NCKAP5: variants seen among roughly 807,000 people sequenced by gnomAD.
NCKAP5 encodes nck-associated protein 5.
NCKAP5 carries 92 observed loss-of-function variants against 167.0 expected under a neutral mutation model. The ratio of observed to expected loss-of-function variants is 0.55; its 90% confidence interval spans 0.47 to 0.66. The LOEUF (loss-of-function observed/expected upper bound fraction) is 0.66. NCKAP5 is among the 30% of genes least tolerant of loss of function. The pLI, the probability that NCKAP5 is intolerant of heterozygous loss-of-function variation, is 0.00. For synonymous variants in NCKAP5, 891 were observed against 877.4 expected, an observed-to-expected ratio of 1.02 and a Z score of -0.27; for missense variants, 2,378 against 2,315.0, an observed-to-expected ratio of 1.03 and a Z score of -0.56.
the NCKAP5 span, among the ~76,000 whole-genome samples, chr2:133,650,345 A>G: frequency 6.6e-6 from 1 of 152,256 alleles, no homozygotes; most frequent in Admixed American, 6.5e-5. Context: ...GGTACTTTTT[A>G]CAAAAATAGA....
chr2:133,552,711 A>G (rs1343979162), intron 2 of NCKAP5, among the ~76,000 whole-genome samples: 4 of 148,374 alleles, frequency 2.7e-5, no homozygotes, highest in East Asian at 4.1e-4. Flanking sequence ...TAACCTGCAC[A>G]ATGTGCACAT....
intron 3 of NCKAP5, among the ~76,000 whole-genome samples, chr2:133,327,979 T>A (rs1389515624): frequency 6.6e-6 from 1 of 152,096 alleles, no homozygotes; most frequent in South Asian, 2.1e-4. Flanking sequence ...ACCGCAGAGA[T>A]TATTGAGCCC....
chr2:133,069,282 CTGT>C (rs1179474130), intron 6 of NCKAP5, among the ~76,000 whole-genome samples: 3 of 152,132 alleles, frequency 2.0e-5, no homozygotes, highest in Non-Finnish European at 2.9e-5. Flanking sequence ...TAAAAATTTT[CTGT>C]TGTTGTTATT....
intron 4 of NCKAP5, 73 bp downstream of exon 4, chr2:133,302,964 G>T: frequency 9.6e-7 from 1 of 1,046,674 alleles, no homozygotes; most frequent in South Asian, 1.4e-5. Context: ...TAGTCTAACT[G>T]AAATATTTTA....
intron 19 of NCKAP5, among the ~76,000 whole-genome samples, chr2:132,716,523 T>G (rs1202214693): frequency 2.0e-5 from 3 of 152,126 alleles, no homozygotes; most frequent in African/African-American, 7.2e-5. Flanking sequence ...GCTTTGAAAT[T>G]CCACTGTGCA....
intron 7 of NCKAP5, among the ~76,000 whole-genome samples, chr2:132,972,504 T>C (rs962165780): frequency 1.3e-4 from 20 of 152,004 alleles, no homozygotes; most frequent in African/African-American, 3.9e-4. Context: ...GGCAGGTGGA[T>C]CATGAGGTTA....
chr2:132,980,837 T>G (rs551776803), intron 7 of NCKAP5, among the ~76,000 whole-genome samples: 26 of 152,286 alleles, frequency 1.7e-4, no homozygotes, highest in Non-Finnish European at 3.1e-4. Flanking sequence ...GTTAGAATAA[T>G]TAAATACAGT....
Position 132,712,390 on chromosome 2 carries a change from T to G in NCKAP5, c.5713+13237A>C, listed in dbSNP as rs552384873. On this transcript the variant is annotated intron_variant, in intron 19 of 19. Coordinates refer to ENST00000409261, the MANE Select transcript of NCKAP5 (RefSeq NM_207363.3). Reference sequence around the variant, plus strand: ...ATTCAGGCCTGGCGGGGTGGCTCACTCCTGTAATCCCAGCACTTTGGGAGG... The same window carrying G: ...ATTCAGGCCTGGCGGGGTGGCTCACGCCTGTAATCCCAGCACTTTGGGAGG... Among the ~76,000 whole-genome samples, 60 of 152,244 alleles carry G rather than the reference T, an allele frequency of 3.9e-4. 3 individuals carry two copies. The South Asian group carries it at 8.3e-3, about 21-fold the overall frequency.
In NCKAP5 at chr2:133,016,946, A is replaced by C. The variant is rs75009060; in HGVS notation, c.342-22707T>G. Among the ~76,000 whole-genome samples, 390 of 152,372 alleles carry C rather than the reference A, an allele frequency of 2.6e-3. 3 individuals carry two copies. Among genetic ancestry groups the C allele is most frequent in the African/African-American group, 8.8e-3 (367 of 41,590 alleles). On this transcript the variant is annotated intron_variant, in intron 6 of 19. Transcript: ENST00000409261. ...ATAACAAATTTATAATGCCTTCTAC[A>C]TTTCAAAATTTGCATTGAATAATGG...
chr2:132,747,684 T>C (rs892447517), intron 16 of NCKAP5, among the ~76,000 whole-genome samples: 13 of 148,560 alleles, frequency 8.8e-5, no homozygotes, highest in African/African-American at 3.2e-4. Context: ...GCAAATGCAT[T>C]TGACCTTCAT....
At chr2:133,150,659 T>C (rs2083356114) in intron 5 of NCKAP5, among the ~76,000 whole-genome samples, 2 of 152,178 alleles carry the variant, frequency 1.3e-5, no homozygotes, top group Non-Finnish European at 2.9e-5. Context: ...GGAGTTTAAA[T>C]TGGTGCAACT....
chr2:132,960,911 G>A (rs1211346879), intron 8 of NCKAP5, among the ~76,000 whole-genome samples: 2 of 152,122 alleles, frequency 1.3e-5, no homozygotes, highest in South Asian at 2.1e-4. Flanking sequence ...AGAGATTAGG[G>A]CATACAAATA....
the NCKAP5 span, among the ~76,000 whole-genome samples, chr2:133,580,559 T>C: frequency 6.6e-6 from 1 of 152,208 alleles, no homozygotes; most frequent in Non-Finnish European, 1.5e-5. Context: ...AGTTATGGTA[T>C]AGTATAAATC....
intron 15 of NCKAP5, among the ~76,000 whole-genome samples, chr2:132,778,470 A>G (rs1682740250): frequency 6.6e-6 from 1 of 152,126 alleles, no homozygotes; most frequent in Non-Finnish European, 1.5e-5. Context: ...TATTATTATT[A>G]TATATTAGAA....
chr2:132,883,310 T>C (rs112986847), intron 8 of NCKAP5, among the ~76,000 whole-genome samples: 3 of 152,186 alleles, frequency 2.0e-5, no homozygotes, highest in African/African-American at 7.2e-5. Context: ...CTCTCCTTTT[T>C]TCCTGCTATT....
chr2:133,011,078 G>A (rs1195392256), intron 6 of NCKAP5, among the ~76,000 whole-genome samples: 1 of 152,164 alleles, frequency 6.6e-6, no homozygotes, highest in African/African-American at 2.4e-5. Context: ...TGTAAAGAAT[G>A]AGTGATAATA....
At chr2:132,913,360 G>A (rs1254667004) in intron 8 of NCKAP5, among the ~76,000 whole-genome samples, 1 of 152,030 alleles carries the variant, frequency 6.6e-6, no homozygotes, top group Non-Finnish European at 1.5e-5. Flanking sequence ...TGGAACCTGG[G>A]TCACTATACT....
At chr2:133,582,723 A>G in the NCKAP5 span, among the ~76,000 whole-genome samples, 5 of 152,226 alleles carry the variant, frequency 3.3e-5, no homozygotes, top group African/African-American at 1.2e-4. Flanking sequence ...AAGACAACAT[A>G]AAGATAGTTC....
At chr2:133,244,065 C>A (rs1431765772) in intron 4 of NCKAP5, among the ~76,000 whole-genome samples, 1 of 152,132 alleles carries the variant, frequency 6.6e-6, no homozygotes, top group East Asian at 1.9e-4. Context: ...GGATTTCAAT[C>A]CTATCCCATT....
Sources: gnomAD v4.1 joint callset for allele counts (sites outside exome capture counted in the v4.1 genomes callset) on GRCh38, gnomAD v4.1.1 for gene constraint, MANE v1.5 for transcripts, NCBI Gene and HGNC (gene_info 2026-07-23, HGNC 2026-07-21) for gene names.